The following GPHN variants were observed in gnomAD, a reference collection of about 807,000 sequenced individuals.
The protein encoded by GPHN is gephyrin.
Under a neutral mutation model 95.5 loss-of-function variants are expected in GPHN, and 17 were observed. The observed-to-expected ratio is 0.18, with a 90% CI of 0.12 to 0.27. GPHN has a LOEUF of 0.27. Among genes scored for constraint, GPHN ranks in the 10% least tolerant of loss-of-function variants. The pLI is 1.00. For synonymous variants in GPHN, 320 were observed against 322.5 expected (o/e 0.99, Z 0.08); for missense variants, 660 against 978.1 (o/e 0.67, Z 4.34).
intron 11 of GPHN, among the ~76,000 whole-genome samples, chr14:67,072,134 T>C (rs902036916): frequency 1.3e-5 from 2 of 152,152 alleles, no homozygotes; most frequent in Non-Finnish European, 2.9e-5. Context: ...TTCCTTAGTC[T>C]ATAGAATTAC....
At chr14:66,670,933 A>G (rs1332256353) in intron 1 of GPHN, among the ~76,000 whole-genome samples, 2 of 152,236 alleles carry the variant, frequency 1.3e-5, no homozygotes. Flanking sequence ...TTATGAAATC[A>G]AAATTTACTA....
At chr14:67,383,220 G>A in the GPHN span, 6 of 1,371,818 alleles carry the variant, frequency 4.4e-6, no homozygotes, top group South Asian at 2.8e-5. Context: ...TTAGAAAAGT[G>A]TTAAAGAGAG....
rs2066852896 is a variant in GPHN at position 66,932,430 on chromosome 14, C to A, written c.828+8138C>A. Among the ~76,000 whole-genome samples, 3 of 127,186 alleles carry A rather than the reference C, an allele frequency of 2.4e-5. No homozygotes were observed. In the Admixed American group the frequency reaches 2.7e-4, roughly 12 times the overall value. 83.4% of individuals were successfully genotyped at this position (127,186 alleles called of 152,430 possible). On this transcript the variant is annotated intron_variant, in intron 8 of 22. Coordinates refer to ENST00000478722, the MANE Select transcript of GPHN (RefSeq NM_020806.5). ...GATCTTTAGTCAGCAGGTGGGGAAT[C>A]CTGCCAAGACCAGGTTTTTTTTTTT...
At chr14:66,632,443 C>T (rs951579063) in intron 1 of GPHN, among the ~76,000 whole-genome samples, 7 of 150,940 alleles carry the variant, frequency 4.6e-5, no homozygotes, top group Admixed American at 4.6e-4. Context: ...TAAAGGTTGA[C>T]TTCCTTACAG....
At chr14:67,517,562 G>C in the GPHN span, among the ~76,000 whole-genome samples, 2 of 152,168 alleles carry the variant, frequency 1.3e-5, no homozygotes, top group South Asian at 4.1e-4. Context: ...ATATCAGTTA[G>C]AGAATCAGAA....
the GPHN span, among the ~76,000 whole-genome samples, chr14:67,297,087 A>G: frequency 6.6e-6 from 1 of 152,274 alleles, no homozygotes; most frequent in Non-Finnish European, 1.5e-5. Flanking sequence ...CACATGTGTG[A>G]CAAAGCACTT....
At chr14:67,362,675 A>G in the GPHN span, among the ~76,000 whole-genome samples, 2 of 152,204 alleles carry the variant, frequency 1.3e-5, no homozygotes, top group Admixed American at 1.3e-4. Context: ...AAATAAAATA[A>G]GAATGCTGTG....
At chr14:66,989,073 T>C (rs2071216240) in intron 9 of GPHN, among the ~76,000 whole-genome samples, 1 of 152,052 alleles carries the variant, frequency 6.6e-6, no homozygotes, top group South Asian at 2.1e-4. Flanking sequence ...AAATACAAAG[T>C]GATTTTTATT....
intron 9 of GPHN, among the ~76,000 whole-genome samples, chr14:66,981,917 C>T (rs1327323133): frequency 6.6e-6 from 1 of 152,070 alleles, no homozygotes; most frequent in Non-Finnish European, 1.5e-5. Flanking sequence ...CTGAACTTCT[C>T]CAGACCTTGG....
intron 12 of GPHN, among the ~76,000 whole-genome samples, chr14:67,096,314 T>G (rs987551135): frequency 1.3e-5 from 2 of 152,150 alleles, no homozygotes; most frequent in African/African-American, 4.8e-5. Context: ...TACTTTCACA[T>G]ATGGACCTCC....
intron 1 of GPHN, among the ~76,000 whole-genome samples, chr14:66,619,976 A>AT (rs1163238063): frequency 6.6e-6 from 1 of 152,106 alleles, no homozygotes; most frequent in Admixed American, 6.5e-5. Context: ...ATGTAAGGAG[A>AT]TTCCTCAGGA....
intron 10 of GPHN, among the ~76,000 whole-genome samples, chr14:67,042,115 C>T (rs1025287702): frequency 6.6e-6 from 1 of 151,430 alleles, no homozygotes; most frequent in Admixed American, 6.6e-5. Context: ...TGGATATTAG[C>T]CCTTTGTCAG....
In GPHN at chr14:66,774,244, C is replaced by T. The variant is rs987486848; in HGVS notation, c.144-2220C>T. Among the ~76,000 whole-genome samples the T allele has an allele frequency of 5.9e-5, 9 of 151,930 alleles. No individual in the cohort carries two copies. In the East Asian group the frequency reaches 1.4e-3, roughly 23 times the overall value. Reference sequence around the variant, plus strand: ...GTCTCGATCTCCTGACCTCGTGATCCGCCCGCCTCGGGCTCCCAAAGTGCT... The same window carrying T: ...GTCTCGATCTCCTGACCTCGTGATCTGCCCGCCTCGGGCTCCCAAAGTGCT... On this transcript the variant is annotated intron_variant, in intron 2 of 22. Transcript: ENST00000478722.
intron 3 of GPHN, among the ~76,000 whole-genome samples, chr14:66,781,046 A>C (rs545775523): frequency 6.6e-6 from 1 of 152,168 alleles, no homozygotes; most frequent in Non-Finnish European, 1.5e-5. Context: ...GTTTTCTAGC[A>C]CCAGAAATTA....
intron 1 of GPHN, among the ~76,000 whole-genome samples, chr14:66,663,613 G>T (rs1173746185): frequency 6.6e-6 from 1 of 152,102 alleles, no homozygotes; most frequent in Non-Finnish European, 1.5e-5. Flanking sequence ...CATAATGACA[G>T]GATCAAATCT....
intron 2 of GPHN, among the ~76,000 whole-genome samples, chr14:66,698,687 C>G (rs2068287748): frequency 6.6e-6 from 1 of 152,160 alleles, no homozygotes; most frequent in South Asian, 2.1e-4. Flanking sequence ...TGAGTAGTTT[C>G]ATATGTCACT....
chr14:66,511,215 A>G (rs1248421655), intron 1 of GPHN, among the ~76,000 whole-genome samples: 1 of 152,160 alleles, frequency 6.6e-6, no homozygotes. Flanking sequence ...AGAACTTACA[A>G]AAATGAAGCT....
chr14:66,792,043 A>G (rs1294565723), intron 3 of GPHN, among the ~76,000 whole-genome samples: 1 of 152,112 alleles, frequency 6.6e-6, no homozygotes, highest in East Asian at 1.9e-4. Flanking sequence ...TTTATTCACT[A>G]CCATGAGAAC....
At position 66,885,419 on chromosome 14, in the gene GPHN, C is replaced by A. The variant is rs191530636; in HGVS notation, c.389+5386C>A. 7.2e-5 allele frequency among the ~76,000 whole-genome samples: 11 copies of A among 152,246 alleles called. No individual in the cohort carries two copies. The South Asian group carries it at 1.0e-3, about 14-fold the overall frequency. ...TTTAACCTAGTGTGCTACTAGCCAA[C>A]CATTCTCCAGTGCTCCAGCTAGCAG... On this transcript the variant is annotated intron_variant, in intron 5 of 22. Transcript: ENST00000478722.
Sources: allele counts gnomAD v4.1 joint callset (sites outside exome capture counted in the v4.1 genomes callset), GRCh38; gene constraint gnomAD v4.1.1; transcripts MANE v1.5; gene names NCBI Gene and HGNC (gene_info 2026-07-23, HGNC 2026-07-21).